NFYB: variants seen among roughly 807,000 people sequenced by gnomAD.
NFYB encodes CAAT box DNA-binding protein subunit B.
Under a neutral mutation model 28.0 loss-of-function variants are expected in NFYB, and 13 were observed. That is an observed-to-expected ratio of 0.46 (90% confidence interval 0.30 to 0.74). NFYB has a LOEUF of 0.74. Ranked by LOEUF, NFYB falls within the 30% of genes least tolerant of loss-of-function variation. The pLI is 0.07. For synonymous variants in NFYB, 74 were observed against 75.0 expected (o/e 0.99, Z 0.07); for missense variants, 142 against 247.6 (o/e 0.57, Z 2.86).
At chr12:104,135,889 T>C (rs2031081375) in intron 1 of NFYB, among the ~76,000 whole-genome samples, 1 of 152,200 alleles carries the variant, frequency 6.6e-6, no homozygotes, top group South Asian at 2.1e-4. Context: ...ATTATACATC[T>C]AAATTACTTA....
chr12:104,124,096 G>A (rs534357953), intron 4 of NFYB, among the ~76,000 whole-genome samples: 6 of 152,256 alleles, frequency 3.9e-5, no homozygotes, highest in East Asian at 3.9e-4. Flanking sequence ...ATATTTTGTG[G>A]GCGACATAAG....
chr12:104,124,301 A>G lies in NFYB; in HGVS notation c.232-878T>C, dbSNP rs117666853. Among the ~76,000 whole-genome samples, 44 of 152,358 alleles carry G rather than the reference A, an allele frequency of 2.9e-4. No homozygotes were observed. The East Asian group carries it at 8.5e-3, about 29-fold the overall frequency. ...TGAGTTTACTAAAAAGCCTGCCTAA[A>G]GAAGCACACATCTGCCACTTCATTA... On this transcript the variant is annotated intron_variant, in intron 4 of 7. Coordinates refer to ENST00000240055, the MANE Select transcript of NFYB (RefSeq NM_006166.4).
chr12:104,121,622 A>G (rs1264037462), intron 5 of NFYB, among the ~76,000 whole-genome samples: 1 of 152,222 alleles, frequency 6.6e-6, no homozygotes, highest in Non-Finnish European at 1.5e-5. Context: ...ACAGATGAAG[A>G]AGTCTGCAAA....
At position 104,124,066 on chromosome 12, in the gene NFYB, G is replaced by A. The variant is rs2030588696; in HGVS notation, c.232-643C>T. Among the ~76,000 whole-genome samples, 3 of 152,148 alleles carry A rather than the reference G, an allele frequency of 2.0e-5. No homozygotes were observed. The South Asian group carries it at 6.2e-4, about 32-fold the overall frequency. On this transcript the variant is annotated intron_variant, in intron 4 of 7. Transcript: ENST00000240055. ...AACTCTTAATAACCCAGTGCCCCTG[G>A]AAAATCCATTCCACCATGCATATTT...
chr12:104,128,378 A>G, intron 3 of NFYB, 46 bp downstream of exon 3: 1 of 1,391,824 alleles, frequency 7.2e-7, no homozygotes, highest in Non-Finnish European at 1.0e-6. Flanking sequence ...TCCACTTTCT[A>G]ACTTGCTTCA....
At position 104,127,321 on chromosome 12, in the gene NFYB, C is replaced by T. The variant is rs963882130; in HGVS notation, c.101-1077G>A. On this transcript the variant is annotated intron_variant, in intron 3 of 7. Transcript: ENST00000240055. ...GCGTGGTGGCTCATGACTATAATCC[C>T]AGCACTTTGGGAGGCTGAAGCAGGC... is the stretch of plus-strand genomic sequence containing the variant. Among the ~76,000 whole-genome samples, 5 of 152,120 alleles carry T rather than the reference C, an allele frequency of 3.3e-5. No homozygotes were observed. In the South Asian group the frequency reaches 6.2e-4, roughly 19 times the overall value.
At chr12:104,126,387 A>G in intron 3 of NFYB, 143 bp from the exon 4 acceptor site, 2 of 589,604 alleles carry the variant, frequency 3.4e-6, no homozygotes, top group Non-Finnish European at 5.1e-6. Flanking sequence ...AAGTCTCTTC[A>G]TAATTTTTAC....
chr12:104,132,200 A>T (rs1013854509), intron 2 of NFYB, among the ~76,000 whole-genome samples: 3 of 152,234 alleles, frequency 2.0e-5, no homozygotes, highest in African/African-American at 7.2e-5. Flanking sequence ...AGGCTATCTT[A>T]GGAAATGACA....
At chr12:104,136,405 C>T (rs972886157) in intron 1 of NFYB, among the ~76,000 whole-genome samples, 2 of 152,032 alleles carry the variant, frequency 1.3e-5, no homozygotes, top group African/African-American at 4.8e-5. Context: ...AAATTGTAGC[C>T]ACTGAATTGA....
intron 2 of NFYB, among the ~76,000 whole-genome samples, chr12:104,133,678 CAG>C (rs1299577957): frequency 2.6e-5 from 4 of 152,192 alleles, no homozygotes; most frequent in Non-Finnish European, 5.9e-5. Context: ...TTCTTCCAGG[CAG>C]AGATTCTTCT....
intron 7 of NFYB, 66 bp downstream of exon 7, chr12:104,120,334 C>G (rs1285140518): frequency 7.4e-6 from 10 of 1,349,820 alleles, no homozygotes; most frequent in Non-Finnish European, 1.1e-5. Context: ...GGATTACAGG[C>G]ATGAGCCATG....
intron 1 of NFYB, chr12:104,137,687 G>C (rs1296266566): frequency 6.7e-6 from 1 of 148,748 alleles, no homozygotes; most frequent in Non-Finnish European, 1.5e-5. Flanking sequence ...CGGGAGGAGG[G>C]CGCCCCCGGG....
Position 104,127,594 on chromosome 12 carries a change from A to T in NFYB, c.100+830T>A, listed in dbSNP as rs997241113. On this transcript the variant is annotated intron_variant, in intron 3 of 7. Coordinates refer to ENST00000240055, the MANE Select transcript of NFYB (RefSeq NM_006166.4). ...AAAAAAATAAAAAATAAAAAAAAAA[A>T]AAAAATTTTTTTTACAAACCAAAAT... Among the ~76,000 whole-genome samples the T allele has an allele frequency of 2.0e-4, 30 of 151,688 alleles. 1 individual carries two copies. Among genetic ancestry groups the T allele is most frequent in the African/African-American group, 2.7e-4 (11 of 41,342 alleles).
chr12:104,134,454 G>A (rs1167066956), intron 2 of NFYB, among the ~76,000 whole-genome samples: 1 of 152,024 alleles, frequency 6.6e-6, no homozygotes, highest in Non-Finnish European at 1.5e-5. Flanking sequence ...ATCATCTTAG[G>A]TTCTTCCATC....
rs756695512 is a variant in NFYB at position 104,135,476 on chromosome 12, G to A, written c.-23C>T. 1 of 1,580,366 alleles carries A rather than the reference G, an allele frequency of 6.3e-7. No homozygotes were observed. Among genetic ancestry groups the A allele is most frequent in the South Asian group, 1.2e-5 (1 of 84,954 alleles). On this transcript the variant is annotated 5_prime_UTR_variant, in exon 2 of 8. Transcript: ENST00000240055. The stretch of plus-strand genomic sequence containing the variant: ...CATGAAATACTGTCAGAACCGTGTT[G>A]TCAGTGGTGCTGAAGAACACCTATC...
In NFYB at chr12:104,118,501, C is replaced by G. The variant is rs1410963812; in HGVS notation, c.*1236G>C. 6 of 152,510 alleles carry G rather than the reference C, an allele frequency of 3.9e-5. No individual in the cohort carries two copies. Among genetic ancestry groups the G allele is most frequent in the African/African-American group, 1.4e-4 (6 of 41,386 alleles). The allele number at this position is 152,510 out of a possible 1,614,324, so 9.4% of individuals were successfully genotyped here. A position where few individuals can be genotyped will look rare whatever the true frequency, so the allele number is the denominator to read the frequency against. ...ATATTCACTCCAACTTCCTTTTAGGCAAACTATACAATAGCAATTTTTGAT... is the reference window on the plus strand; with the variant it reads ...ATATTCACTCCAACTTCCTTTTAGGGAAACTATACAATAGCAATTTTTGAT... On this transcript the variant is annotated 3_prime_UTR_variant, in exon 8 of 8. Transcript: ENST00000240055.
chr12:104,135,940 T>G (rs1271282936), intron 1 of NFYB, among the ~76,000 whole-genome samples: 1 of 152,226 alleles, frequency 6.6e-6, no homozygotes, highest in Non-Finnish European at 1.5e-5. Context: ...CCTTATCATC[T>G]TAATTTTTTG....
At chr12:104,128,342 G>T in intron 3 of NFYB, 82 bp downstream of exon 3, 1 of 953,006 alleles carries the variant, frequency 1.0e-6, no homozygotes, top group Non-Finnish European at 1.6e-6. Context: ...GACACAAGTA[G>T]CCTAGAACAC....
At chr12:104,137,088 A>G (rs1445691586) in intron 1 of NFYB, among the ~76,000 whole-genome samples, 1 of 152,130 alleles carries the variant, frequency 6.6e-6, no homozygotes, top group Non-Finnish European at 1.5e-5. Context: ...TATGTTGCTG[A>G]TTAGTTTCCA....
Sources: gnomAD v4.1 joint callset for allele counts (sites outside exome capture counted in the v4.1 genomes callset) on GRCh38, gnomAD v4.1.1 for gene constraint, MANE v1.5 for transcripts, NCBI Gene and HGNC (gene_info 2026-07-23, HGNC 2026-07-21) for gene names.